Variants in SRD5A1 observed in about 807,000 individuals in gnomAD.
SRD5A1 encodes the protein steroid 5 alpha-reductase 1.
Under a neutral mutation model 28.2 loss-of-function variants are expected in SRD5A1, and 22 were observed. The observed-to-expected ratio is 0.78, with a 90% CI of 0.56 to 1.12. The LOEUF (loss-of-function observed/expected upper bound fraction) is 1.12, where lower values mean the gene tolerates loss of function less well. Ranked by LOEUF, SRD5A1 falls within the 50% of genes most tolerant of loss-of-function variation. The probability of loss-of-function intolerance (pLI) is 0.00; values close to 1 mark genes in which losing one functional copy is unlikely to be tolerated. For synonymous variants in SRD5A1, 151 were observed against 135.0 expected (o/e 1.12, Z -0.82); for missense variants, 300 against 346.7 (o/e 0.87, Z 1.07).
intron 3 of SRD5A1, among the ~76,000 whole-genome samples, chr5:6,660,978 A>G (rs927548748): frequency 6.6e-6 from 1 of 152,176 alleles, no homozygotes; most frequent in African/African-American, 2.4e-5. Flanking sequence ...AGAATTCACT[A>G]TCACAAGAAA....
At chr5:6,639,184 G>T (rs1738287643) in intron 1 of SRD5A1, among the ~76,000 whole-genome samples, 1 of 152,196 alleles carries the variant, frequency 6.6e-6, no homozygotes, top group Non-Finnish European at 1.5e-5. Flanking sequence ...AGTTCCCTGT[G>T]TGAATTAAAC....
At chr5:6,666,788 C>T (rs1483426617) in intron 4 of SRD5A1, among the ~76,000 whole-genome samples, 1 of 152,208 alleles carries the variant, frequency 6.6e-6, no homozygotes, top group Non-Finnish European at 1.5e-5. Context: ...AGCCTTGCTG[C>T]CCAGCCTGGT....
chr5:6,659,964 C>T (rs1332992853), intron 3 of SRD5A1, among the ~76,000 whole-genome samples: 1 of 152,092 alleles, frequency 6.6e-6, no homozygotes. Flanking sequence ...ACAGGTGTGC[C>T]GTCTACATCC....
chr5:6,666,439 C>T (rs1181983331), intron 4 of SRD5A1, among the ~76,000 whole-genome samples: 8 of 152,170 alleles, frequency 5.3e-5, no homozygotes, highest in Admixed American at 1.3e-4. Flanking sequence ...TCAGCCACCG[C>T]GCCTGACTGG....
chr5:6,665,463 C>T (rs1446852272), intron 4 of SRD5A1, among the ~76,000 whole-genome samples: 1 of 152,200 alleles, frequency 6.6e-6, no homozygotes, highest in Non-Finnish European at 1.5e-5. Flanking sequence ...TCTCCTCCGC[C>T]AGATGACTTT....
intron 1 of SRD5A1, among the ~76,000 whole-genome samples, chr5:6,637,731 T>C (rs1471348766): frequency 1.3e-5 from 2 of 150,812 alleles, no homozygotes; most frequent in Non-Finnish European, 1.5e-5. Context: ...TTGTTAGGAC[T>C]GGTGGCCAAA....
rs1016350882 is a variant in SRD5A1 at position 6,673,033 on chromosome 5, C to T, written c.*4765C>T. ...GCAAAATCTGCTCTCAAAGGCTTCACGTAGCCGGGAAAACTCCGTTCCCAA... is the reference window on the plus strand; with the variant it reads ...GCAAAATCTGCTCTCAAAGGCTTCATGTAGCCGGGAAAACTCCGTTCCCAA... On this transcript the variant is annotated 3_prime_UTR_variant, in exon 5 of 5. Coordinates refer to ENST00000274192, the MANE Select transcript of SRD5A1 (RefSeq NM_001047.4). 2.6e-5 allele frequency: 4 copies of T among 152,184 alleles called. No individual in the cohort carries two copies. Among genetic ancestry groups the T allele is most frequent in the Non-Finnish European group, 4.4e-5 (3 of 68,046 alleles). The allele number at this position is 152,184 out of a possible 1,614,324, so 9.4% of individuals were successfully genotyped here.
At chr5:6,653,277 A>T (rs1738732713) in intron 2 of SRD5A1, among the ~76,000 whole-genome samples, 1 of 152,126 alleles carries the variant, frequency 6.6e-6, no homozygotes, top group Admixed American at 6.6e-5. Context: ...CTACAAAAGG[A>T]GGGTTGGCTG....
chr5:6,639,844 A>G (rs1374525036), intron 1 of SRD5A1, among the ~76,000 whole-genome samples: 3 of 152,264 alleles, frequency 2.0e-5, no homozygotes, highest in African/African-American at 7.2e-5. Context: ...ATTCAAGGAA[A>G]GAAAGAAAAG....
At chr5:6,653,322 G>A (rs752194554) in intron 2 of SRD5A1, 7 of 152,192 alleles carry the variant, frequency 4.6e-5, no homozygotes, top group Non-Finnish European at 8.8e-5. Context: ...TAGCTCCAGA[G>A]TCTGTGCCTC....
At chr5:6,638,711 A>G (rs143902484) in intron 1 of SRD5A1, among the ~76,000 whole-genome samples, 2 of 152,372 alleles carry the variant, frequency 1.3e-5, no homozygotes, top group African/African-American at 4.8e-5. Flanking sequence ...ACTTCTATTC[A>G]AAAGTGTAGG....
At position 6,670,911 on chromosome 5, in the gene SRD5A1, G is replaced by T. The variant is rs1739342751; in HGVS notation, c.*2643G>T. Reference sequence around the variant, plus strand: ...ATATATATACCACTTGTTGACTGATGGGCATTTGGGTTGGTTCCACGATTT... The same window carrying T: ...ATATATATACCACTTGTTGACTGATTGGCATTTGGGTTGGTTCCACGATTT... On this transcript the variant is annotated 3_prime_UTR_variant, in exon 5 of 5. Transcript: ENST00000274192. The T allele has an allele frequency of 6.6e-6, 1 of 152,162 alleles. No homozygotes were observed. The highest frequency in any genetic ancestry group is 2.1e-4 in the South Asian group (1 of 4,828). 9.4% of individuals were successfully genotyped at this position (152,162 alleles called of 1,614,324 possible).
intron 3 of SRD5A1, among the ~76,000 whole-genome samples, chr5:6,660,301 C>T (rs1738963928): frequency 6.6e-6 from 1 of 152,238 alleles, no homozygotes; most frequent in South Asian, 2.1e-4. Flanking sequence ...TACGGTTCCA[C>T]CACACCGTGT....
chr5:6,640,950 C>G (rs886623608), intron 1 of SRD5A1, among the ~76,000 whole-genome samples: 5 of 152,176 alleles, frequency 3.3e-5, no homozygotes, highest in Non-Finnish European at 1.5e-5. Context: ...TTTATTTTCT[C>G]AAAGAGAGGG....
At position 6,670,332 on chromosome 5, in the gene SRD5A1, CAGAG is replaced by C. The variant is rs112712501; in HGVS notation, c.*2067_*2070del. Reference sequence around the variant, plus strand: ...GGTGGCATGGCCATGGCTTCTCCCTCAGAGAGGCCTCTGTGCACGACTTCAGTCA... The same window carrying C: ...GGTGGCATGGCCATGGCTTCTCCCTCAGGCCTCTGTGCACGACTTCAGTCA... On this transcript the variant is annotated 3_prime_UTR_variant, in exon 5 of 5. Transcript: ENST00000274192. The C allele has an allele frequency of 0.038, 5,861 of 152,374 alleles. 152 individuals carry two copies. The highest frequency in any genetic ancestry group is 0.05 in the Non-Finnish European group (3,397 of 68,066). 9.4% of individuals were successfully genotyped at this position (152,374 alleles called of 1,614,324 possible).
At chr5:6,642,162 T>C (rs903486922) in intron 1 of SRD5A1, among the ~76,000 whole-genome samples, 4 of 152,254 alleles carry the variant, frequency 2.6e-5, no homozygotes, top group South Asian at 2.1e-4. Context: ...ATTTCACTTA[T>C]TGGGATTCAA....
In SRD5A1 at chr5:6,674,145, CATT is replaced by C. The variant is rs538458161; in HGVS notation, c.*5883_*5885del. On this transcript the variant is annotated 3_prime_UTR_variant, in exon 5 of 5. Coordinates refer to ENST00000274192, the MANE Select transcript of SRD5A1 (RefSeq NM_001047.4). ...TAAAATGATTTATTTTACTTATTTT[CATT>C]ATTATCTAAAATGTTATTTAATTAT... is the stretch of plus-strand genomic sequence containing the variant. 6.9e-4 allele frequency: 104 copies of C among 151,518 alleles called. 1 individual carries two copies. Among genetic ancestry groups the C allele is most frequent in the African/African-American group, 2.2e-3 (93 of 41,380 alleles). 9.4% of individuals were successfully genotyped at this position (151,518 alleles called of 1,614,324 possible). A position where few individuals can be genotyped will look rare whatever the true frequency, so the allele number is the denominator to read the frequency against.
intron 3 of SRD5A1, among the ~76,000 whole-genome samples, chr5:6,659,377 T>C (rs531405936): frequency 6.6e-6 from 1 of 152,136 alleles, no homozygotes; most frequent in East Asian, 2.0e-4. Flanking sequence ...CCTCCCAAAG[T>C]GCTGGGATTA....
rs1739049913 is a variant in SRD5A1, at chr5:6,662,844, C to T, written c.591C>T (p.Ala197=). The change falls in exon 4 of 5, where the codon GCC becomes GCT. Residue 197 remains alanine (A), a synonymous_variant. Coordinates refer to ENST00000274192, the MANE Select transcript of SRD5A1 (RefSeq NM_001047.4). ...GCTTATTTGAATACGTAACTGCAGC[C>T]AACTATTTTGGAGAAATCATGGAGT... The part of the protein sequence containing the change: ...RGGLFEYVTA[A]NYFGEIMEWC... 5 of 1,612,664 alleles carry T rather than the reference C, an allele frequency of 3.1e-6. No individual in the cohort carries two copies. In the East Asian group the frequency reaches 1.1e-4, roughly 36 times the overall value.
Sources: gnomAD v4.1 joint callset for allele counts (sites outside exome capture counted in the v4.1 genomes callset) on GRCh38, gnomAD v4.1.1 for gene constraint, MANE v1.5 for transcripts, NCBI Gene and HGNC (gene_info 2026-07-23, HGNC 2026-07-21) for gene names.